The following SLC26A8 variants were observed in gnomAD, a reference collection of about 807,000 sequenced individuals.
The protein encoded by SLC26A8 is testis anion transporter 1.
Under a neutral mutation model 105.0 loss-of-function variants are expected in SLC26A8, and 70 were observed. That is an observed-to-expected ratio of 0.67 (90% CI 0.55 to 0.81). SLC26A8 has a LOEUF of 0.81. Among genes scored for constraint, SLC26A8 ranks in the 40% least tolerant of loss-of-function variants. The pLI, the probability that SLC26A8 is intolerant of heterozygous loss-of-function variation, is 0.00. For missense variants in SLC26A8, 998 were observed against 1,181.8 expected (o/e 0.84, Z 2.28); for synonymous variants, 415 against 438.3 (o/e 0.95, Z 0.66).
intron 8 of SLC26A8, 31 bp from the exon 9 acceptor site, chr6:35,977,382 T>C: frequency 6.2e-7 from 1 of 1,600,808 alleles, no homozygotes; most frequent in Non-Finnish European, 8.5e-7. Flanking sequence ...TATTTCTGGA[T>C]AGCAGGAATC....
intron 19 of SLC26A8, among the ~76,000 whole-genome samples, chr6:35,946,559 G>A (rs1771683830): frequency 8.5e-5 from 13 of 152,150 alleles, no homozygotes; most frequent in Admixed American, 8.5e-4. Flanking sequence ...CAATACACAT[G>A]AAATAGAACT....
chr6:35,970,586 G>A (rs779659743), intron 10 of SLC26A8, among the ~76,000 whole-genome samples: 1 of 152,242 alleles, frequency 6.6e-6, no homozygotes, highest in Non-Finnish European at 1.5e-5. Context: ...GCTTCAGTTG[G>A]CCTTTGCTGA....
At chr6:35,971,775 A>T (rs947560394) in intron 10 of SLC26A8, among the ~76,000 whole-genome samples, 1 of 152,220 alleles carries the variant, frequency 6.6e-6, no homozygotes, top group East Asian at 1.9e-4. Context: ...TCTAAAAAGA[A>T]TGCAATGCAT....
At chr6:35,978,542 TCAAAGA>T (rs1302254310) in intron 8 of SLC26A8, among the ~76,000 whole-genome samples, 1 of 152,196 alleles carries the variant, frequency 6.6e-6, no homozygotes, top group Non-Finnish European at 1.5e-5. Flanking sequence ...AATCATTTCA[TCAAAGA>T]CAAATATGTA....
chr6:35,976,943 G>T (rs1245168096), intron 9 of SLC26A8, among the ~76,000 whole-genome samples: 1 of 152,124 alleles, frequency 6.6e-6, no homozygotes, highest in East Asian at 1.9e-4. Flanking sequence ...TAAGAAAAGT[G>T]AAACTCTCCT....
intron 7 of SLC26A8, among the ~76,000 whole-genome samples, chr6:35,984,277 C>T (rs1444409375): frequency 1.3e-5 from 2 of 151,464 alleles, no homozygotes; most frequent in Admixed American, 6.6e-5. Flanking sequence ...TAGCATTCTC[C>T]AAAGGAATAT....
intron 3 of SLC26A8, among the ~76,000 whole-genome samples, chr6:36,007,320 T>G (rs1460402115): frequency 6.6e-6 from 1 of 152,216 alleles, no homozygotes; most frequent in Non-Finnish European, 1.5e-5. Context: ...TATTTTTATA[T>G]GCAAACAATG....
At chr6:36,023,442 G>A (rs1447479902) in intron 1 of SLC26A8, among the ~76,000 whole-genome samples, 1 of 151,326 alleles carries the variant, frequency 6.6e-6, no homozygotes, top group Admixed American at 6.6e-5. Flanking sequence ...GGCTACTCAG[G>A]AGGGTGAGGC....
chr6:35,964,562 G>A (rs766114333), intron 11 of SLC26A8, among the ~76,000 whole-genome samples: 26 of 151,968 alleles, frequency 1.7e-4, no homozygotes, highest in Non-Finnish European at 1.0e-4. Flanking sequence ...CATGAGAATC[G>A]CTTGAACCTG....
chr6:36,014,708 C>T (rs1761950226), intron 2 of SLC26A8, among the ~76,000 whole-genome samples: 3 of 152,102 alleles, frequency 2.0e-5, no homozygotes, highest in Admixed American at 6.6e-5. Flanking sequence ...GGCGAAACCC[C>T]GTCTCTACTA....
At chr6:36,010,057 G>A (rs529928004) in intron 3 of SLC26A8, among the ~76,000 whole-genome samples, 50 of 152,256 alleles carry the variant, frequency 3.3e-4, no homozygotes, top group Non-Finnish European at 6.2e-4. Flanking sequence ...TTCTTATAAA[G>A]TTAAACATAC....
rs1472230192 is a variant in SLC26A8, at chr6:35,997,933, T to C, written c.446-14A>G. 5 of 1,611,410 alleles carry C rather than the reference T, an allele frequency of 3.1e-6. No individual in the cohort carries two copies. The highest frequency in any genetic ancestry group is 1.3e-5 in the African/African-American group (1 of 74,930). On this transcript the variant is annotated splice_polypyrimidine_tract_variant and intron_variant, in intron 4 of 19. Transcript: ENST00000490799. ...GGAAGAAGGAACCTGTGGAAGAAGA[T>C]GTTAGGTAGAAGGTGAAGTTTCAAG...
At chr6:35,971,804 A>T (rs1025528481) in intron 10 of SLC26A8, among the ~76,000 whole-genome samples, 6 of 152,214 alleles carry the variant, frequency 3.9e-5, no homozygotes, top group Admixed American at 1.3e-4. Flanking sequence ...CTCTTTTACA[A>T]TAACCCATTT....
chr6:35,946,813 G>A (rs1044647804), intron 19 of SLC26A8, among the ~76,000 whole-genome samples: 11 of 151,500 alleles, frequency 7.3e-5, no homozygotes, highest in Non-Finnish European at 1.0e-4. Context: ...TCAAGCTCCC[G>A]AGTAGCTAGG....
At chr6:35,949,811 T>G (rs574265454) in intron 19 of SLC26A8, among the ~76,000 whole-genome samples, 63 of 151,336 alleles carry the variant, frequency 4.2e-4, no homozygotes, top group Admixed American at 7.9e-4. Context: ...GTGTGTGTGT[T>G]TTTTTGTTTT....
intron 19 of SLC26A8, among the ~76,000 whole-genome samples, chr6:35,949,938 T>A (rs190702941): frequency 6.6e-6 from 1 of 151,942 alleles, no homozygotes; most frequent in Non-Finnish European, 1.5e-5. Flanking sequence ...CCCAAGTAGC[T>A]GGGACTACAG....
Position 35,960,924 on chromosome 6 carries a change from T to C in SLC26A8, c.1569-12A>G. 1 of 1,614,050 alleles carries C rather than the reference T, an allele frequency of 6.2e-7. No individual in the cohort carries two copies. Among genetic ancestry groups the C allele is most frequent in the Non-Finnish European group, 8.5e-7 (1 of 1,179,940 alleles). Reference sequence around the variant, plus strand: ...GAAGAATCTTAGCTCTGAAAGGAAATGCACTTGCCTTTAGGTCAGAGTTGG... The same window carrying C: ...GAAGAATCTTAGCTCTGAAAGGAAACGCACTTGCCTTTAGGTCAGAGTTGG... On this transcript the variant is annotated splice_polypyrimidine_tract_variant and intron_variant, in intron 13 of 19. Coordinates refer to ENST00000490799, the MANE Select transcript of SLC26A8 (RefSeq NM_052961.4).
At chr6:35,947,792 ATAG>A (rs1226191809) in intron 19 of SLC26A8, among the ~76,000 whole-genome samples, 2 of 152,076 alleles carry the variant, frequency 1.3e-5, no homozygotes, top group Non-Finnish European at 2.9e-5. Context: ...TTAGCTGGGC[ATAG>A]TGGTGTGCGT....
At chr6:35,996,539 T>C (rs1747265907) in intron 5 of SLC26A8, among the ~76,000 whole-genome samples, 3 of 152,102 alleles carry the variant, frequency 2.0e-5, no homozygotes, top group Non-Finnish European at 4.4e-5. Flanking sequence ...GAGGCCATCA[T>C]TATTTTTATT....
Sources: allele counts gnomAD v4.1 joint callset (sites outside exome capture counted in the v4.1 genomes callset), GRCh38; gene constraint gnomAD v4.1.1; transcripts MANE v1.5; gene names NCBI Gene and HGNC (gene_info 2026-07-23, HGNC 2026-07-21).